Variants in GAD1 observed in about 807,000 individuals in gnomAD.
The protein encoded by GAD1 is 67 kDa glutamic acid decarboxylase.
Under a neutral mutation model 75.2 loss-of-function variants are expected in GAD1, and 35 were observed. The ratio of observed to expected loss-of-function variants is 0.47; its 90% CI spans 0.36 to 0.62. The LOEUF is 0.62. GAD1 is among the 20% of genes least tolerant of loss of function. The probability of loss-of-function intolerance (pLI) is 0.00; values close to 1 mark genes in which losing one functional copy is unlikely to be tolerated. For missense variants in GAD1, 490 were observed against 758.5 expected (o/e 0.65, Z 4.16); for synonymous variants, 257 against 271.9 (o/e 0.95, Z 0.54).
In GAD1 at chr2:170,816,983, G is replaced by C. The variant is rs954512887; in HGVS notation, c.-129G>C. On this transcript the variant is annotated 5_prime_UTR_variant, in exon 1 of 17. Transcript: ENST00000358196. ...AGATTACGCCTGTCAGGGCCGAGCC[G>C]AGCGGATCGCTGGGCGCTGTGCAGA... is the stretch of plus-strand genomic sequence containing the variant. The C allele has an allele frequency of 1.5e-5, 3 of 193,730 alleles. No individual in the cohort carries two copies. Among genetic ancestry groups the C allele is most frequent in the Admixed American group, 1.2e-4 (2 of 16,230 alleles). 12.0% of individuals were successfully genotyped at this position (193,730 alleles called of 1,614,324 possible). A position where few individuals can be genotyped will look rare whatever the true frequency, so the allele number is the denominator to read the frequency against.
intron 4 of GAD1, 175 bp downstream of exon 4, chr2:170,829,808 T>C: frequency 1.5e-6 from 1 of 678,822 alleles, no homozygotes; most frequent in Non-Finnish European, 2.5e-6. Context: ...CCCTCCCTGC[T>C]GGCCAGGTCT....
chr2:170,849,183 CT>C (rs1459417958), intron 11 of GAD1, 102 bp from the exon 12 acceptor site: 13 of 987,056 alleles, frequency 1.3e-5, no homozygotes, highest in Non-Finnish European at 2.1e-5. Flanking sequence ...TGTTTTTCAC[CT>C]TGTACTTTCT....
rs45626342 is a variant in GAD1, at chr2:170,822,393, CG to C, written c.145+245del. On this transcript the variant is annotated intron_variant, in intron 3 of 16. Transcript: ENST00000358196. ...CCCCAATCCCCAACACCCAGTGGAG[CG>C]AACGCCGGGTGCCCTGCCTGGGCGC... 7.0e-3 allele frequency among the ~76,000 whole-genome samples: 1,066 copies of C among 152,254 alleles called. 9 individuals are homozygous for C. Among genetic ancestry groups the C allele is most frequent in the Middle Eastern group, 0.031 (9 of 292 alleles).
intron 3 of GAD1, among the ~76,000 whole-genome samples, chr2:170,825,007 C>G (rs1277405187): frequency 6.6e-5 from 10 of 151,738 alleles, no homozygotes; most frequent in Admixed American, 6.6e-4. Flanking sequence ...AGAGAGATTT[C>G]AAGTGCTCTC....
chr2:170,820,470 G>A (rs564119279), intron 2 of GAD1, among the ~76,000 whole-genome samples: 32 of 152,230 alleles, frequency 2.1e-4, no homozygotes, highest in Non-Finnish European at 4.6e-4. Context: ...CGCGCTGGGC[G>A]CTCTATCCAC....
At chr2:170,819,831 A>T (rs1448063723) in intron 2 of GAD1, among the ~76,000 whole-genome samples, 1 of 152,236 alleles carries the variant, frequency 6.6e-6, no homozygotes. Context: ...GAAAATAAGT[A>T]TCCTCATCAA....
chr2:170,826,980 G>A (rs1385425468), intron 3 of GAD1, among the ~76,000 whole-genome samples: 2 of 152,164 alleles, frequency 1.3e-5, no homozygotes, highest in African/African-American at 2.4e-5. Flanking sequence ...ATATGGAAAA[G>A]GATACAATCC....
At chr2:170,841,368 G>C (rs781076239) in intron 6 of GAD1, among the ~76,000 whole-genome samples, 13 of 152,082 alleles carry the variant, frequency 8.5e-5, no homozygotes, top group Non-Finnish European at 1.9e-4. Context: ...AAGGACTACA[G>C]ATTTCCTAGG....
chr2:170,831,580 C>G (rs1259515721), intron 5 of GAD1, among the ~76,000 whole-genome samples: 1 of 137,230 alleles, frequency 7.3e-6, no homozygotes, highest in Non-Finnish European at 1.5e-5. Flanking sequence ...CATGGCGAAA[C>G]CTTGTCTCTA....
intron 12 of GAD1, chr2:170,852,363 C>G (rs942000488): frequency 3.0e-6 from 1 of 334,906 alleles, no homozygotes; most frequent in African/African-American, 2.1e-5. Flanking sequence ...TGTGCCCAAG[C>G]TAACAAATAT....
chr2:170,833,674 A>C (rs1409414390), intron 5 of GAD1, among the ~76,000 whole-genome samples: 4 of 152,212 alleles, frequency 2.6e-5, no homozygotes, highest in African/African-American at 9.7e-5. Flanking sequence ...TCATAATATC[A>C]ACTAATATTA....
intron 3 of GAD1, among the ~76,000 whole-genome samples, chr2:170,828,150 C>CT (rs1428610889): frequency 7.2e-6 from 1 of 139,186 alleles, no homozygotes; most frequent in Non-Finnish European, 1.6e-5. Context: ...CTGTCCTCAC[C>CT]CTCCTCCCTC....
chr2:170,838,796 T>C (rs897795256), intron 6 of GAD1, among the ~76,000 whole-genome samples: 122 of 152,356 alleles, frequency 8.0e-4, no homozygotes, highest in Non-Finnish European at 2.5e-4. Context: ...CACTAAAATG[T>C]GTCCCAGCCA....
At chr2:170,839,754 A>T (rs1404573280) in intron 6 of GAD1, among the ~76,000 whole-genome samples, 1 of 152,224 alleles carries the variant, frequency 6.6e-6, no homozygotes, top group Non-Finnish European at 1.5e-5. Flanking sequence ...AGGCACATAC[A>T]GCTCTTTTCT....
Position 170,842,615 on chromosome 2 carries a change from G to A in GAD1, c.639-1430G>A, listed in dbSNP as rs773609383. 7.4e-6 allele frequency: 12 copies of A among 1,613,980 alleles called. 1 individual carries two copies. In the South Asian group the frequency reaches 1.3e-4, roughly 18 times the overall value. On this transcript the variant is annotated intron_variant, in intron 6 of 16. Coordinates refer to ENST00000358196, the MANE Select transcript of GAD1 (RefSeq NM_000817.3). The stretch of plus-strand genomic sequence containing the variant: ...TTGGTTGCTACGGTGATGGGGCTCA[G>A]AGCAGAACCAAAGCATGATTGTGAC...
intron 3 of GAD1, among the ~76,000 whole-genome samples, chr2:170,828,093 CCTCCTTCTGCTG>C: frequency 9.9e-5 from 1 of 10,122 alleles, no homozygotes; most frequent in African/African-American, 3.8e-4. Context: ...CCTCACCCCT[CCTCCTTCTGCTG>C]TCCTCCCTCT....
chr2:170,844,766 G>T (rs546350899), intron 7 of GAD1, among the ~76,000 whole-genome samples: 1 of 152,256 alleles, frequency 6.6e-6, no homozygotes, highest in East Asian at 1.9e-4. Flanking sequence ...ACAAGAATAG[G>T]TATTCTGATG....
chr2:170,857,138 C>T lies in GAD1; in HGVS notation c.1521+13C>T, dbSNP rs995761560. 1 of 1,589,862 alleles carries T rather than the reference C, an allele frequency of 6.3e-7. No individual in the cohort carries two copies. Among genetic ancestry groups the T allele is most frequent in the Non-Finnish European group, 8.6e-7 (1 of 1,158,196 alleles). Reference sequence around the variant, plus strand: ...TTTCAATGGCGAGGTAGGTAATCATCATGGACCAGGTACACAGTATTTCCA... The same window carrying T: ...TTTCAATGGCGAGGTAGGTAATCATTATGGACCAGGTACACAGTATTTCCA... On this transcript the variant is annotated intron_variant, in intron 15 of 16. Transcript: ENST00000358196.
At chr2:170,848,811 CTTG>C (rs1171020744) in intron 11 of GAD1, 5 of 519,166 alleles carry the variant, frequency 9.6e-6, no homozygotes, top group Admixed American at 3.9e-5. Flanking sequence ...ACAAAAATGT[CTTG>C]TTGTTACATA....
Sources: allele counts gnomAD v4.1 joint callset (sites outside exome capture counted in the v4.1 genomes callset), GRCh38; gene constraint gnomAD v4.1.1; transcripts MANE v1.5; gene names NCBI Gene and HGNC (gene_info 2026-07-23, HGNC 2026-07-21).